The following LY6S variants were observed in gnomAD, a reference collection of about 807,000 sequenced individuals.
LY6S encodes lymphocyte antigen 6S.
At chr8:143,070,491 T>TAATATATATATAAATATATATATATATA in the LY6S span, among the ~76,000 whole-genome samples, 1 of 83,546 alleles carries the variant, frequency 1.2e-5, no homozygotes, top group East Asian at 3.7e-4. Flanking sequence ...ATATATATAT[T>TAATATATATATAAATATATATATATATA]TTTTTTTTTT....
the LY6S span, among the ~76,000 whole-genome samples, chr8:143,072,154 C>G: frequency 0.16 from 23,002 of 141,444 alleles, 2,762 homozygotes; most frequent in African/African-American, 0.31. Context: ...TGATTTCTTA[C>G]CAGTGTCTGC....
At chr8:143,070,424 A>G in the LY6S span, among the ~76,000 whole-genome samples, 43 of 102,416 alleles carry the variant, frequency 4.2e-4, no homozygotes, top group Non-Finnish European at 6.1e-4. Flanking sequence ...ATATATATTT[A>G]TATATATATT....
the LY6S span, among the ~76,000 whole-genome samples, chr8:143,040,859 C>A: frequency 1.3e-5 from 2 of 152,124 alleles, no homozygotes; most frequent in East Asian, 3.8e-4. Context: ...AGCTGGGCGT[C>A]CGGGGGAGAC....
At chr8:143,068,106 G>T in the LY6S span, among the ~76,000 whole-genome samples, 2 of 152,184 alleles carry the variant, frequency 1.3e-5, no homozygotes, top group Non-Finnish European at 1.5e-5. Flanking sequence ...TGTCTCAGTG[G>T]GGGGAAACCT....
the LY6S span, among the ~76,000 whole-genome samples, chr8:143,072,136 T>C: frequency 4.7e-5 from 7 of 150,392 alleles, no homozygotes; most frequent in Non-Finnish European, 1.0e-4. Flanking sequence ...GAATCCAAGT[T>C]GGTAATTTGA....
the LY6S span, among the ~76,000 whole-genome samples, chr8:143,063,768 G>A: frequency 6.6e-6 from 1 of 152,200 alleles, no homozygotes; most frequent in African/African-American, 2.4e-5. Flanking sequence ...TCATCTGGGA[G>A]TGTGGCCTGG....
At chr8:143,074,343 T>G in the LY6S span, among the ~76,000 whole-genome samples, 1 of 152,114 alleles carries the variant, frequency 6.6e-6, no homozygotes, top group Non-Finnish European at 1.5e-5. Flanking sequence ...TATGTGGGTG[T>G]GTGTGTTTGT....
chr8:143,046,913 A>G, the LY6S span, among the ~76,000 whole-genome samples: 1 of 152,060 alleles, frequency 6.6e-6, no homozygotes, highest in Non-Finnish European at 1.5e-5. Flanking sequence ...AGGCAGGAGA[A>G]TCACTTTAAC....
the LY6S span, among the ~76,000 whole-genome samples, chr8:143,072,334 G>C: frequency 1.0e-4 from 13 of 130,608 alleles, no homozygotes; most frequent in East Asian, 2.8e-4. Flanking sequence ...AGAGAAGACA[G>C]CCGTCGTCCT....
chr8:143,045,438 C>T, the LY6S span, among the ~76,000 whole-genome samples: 2 of 152,186 alleles, frequency 1.3e-5, no homozygotes, highest in Admixed American at 1.3e-4. This position sits in a 1 kb window ranked among gnomAD's most constrained non-coding sequence, Gnocchi z 5.3. Flanking sequence ...GAGTCCTGCA[C>T]AGCAGCAAAG....
At chr8:143,071,952 A>G in the LY6S span, among the ~76,000 whole-genome samples, 2 of 152,212 alleles carry the variant, frequency 1.3e-5, no homozygotes, top group Admixed American at 6.5e-5. Flanking sequence ...TCCACCCCAA[A>G]GTCAACACAC....
chr8:143,043,742 C>T, the LY6S span, among the ~76,000 whole-genome samples: 1 of 151,980 alleles, frequency 6.6e-6, no homozygotes. Context: ...ATGGGGCGAT[C>T]TCTGCTCACC....
chr8:143,064,450 C>T, the LY6S span, among the ~76,000 whole-genome samples: 1 of 152,208 alleles, frequency 6.6e-6, no homozygotes, highest in East Asian at 1.9e-4. Flanking sequence ...CTGATAGCCC[C>T]ATTCAGAGGG....
At chr8:143,047,108 C>T in the LY6S span, among the ~76,000 whole-genome samples, 12 of 151,624 alleles carry the variant, frequency 7.9e-5, no homozygotes, top group East Asian at 2.3e-3. Context: ...GTAAAACTAA[C>T]GAAAGACCAC....
At chr8:143,052,807 A>G in the LY6S span, among the ~76,000 whole-genome samples, 1 of 152,212 alleles carries the variant, frequency 6.6e-6, no homozygotes, top group African/African-American at 2.4e-5. Flanking sequence ...GGGTCTTGGT[A>G]TACTCTGTCA....
chr8:143,070,446 G>GTGTATA, the LY6S span, among the ~76,000 whole-genome samples: 1 of 69,536 alleles, frequency 1.4e-5, no homozygotes, highest in Non-Finnish European at 2.2e-5. Context: ...TATATATATT[G>GTGTATA]TATATATATA....
At chr8:143,063,814 T>G in the LY6S span, among the ~76,000 whole-genome samples, 1 of 152,186 alleles carries the variant, frequency 6.6e-6, no homozygotes, top group Non-Finnish European at 1.5e-5. Flanking sequence ...GCCAGTAGCC[T>G]CCCTTCTGTT....
the LY6S span, among the ~76,000 whole-genome samples, chr8:143,075,171 A>T: frequency 6.6e-6 from 1 of 151,930 alleles, no homozygotes; most frequent in African/African-American, 2.4e-5. This position sits in a 1 kb window ranked among gnomAD's most constrained non-coding sequence, Gnocchi z 4.1. Context: ...ATATTTGTCT[A>T]ATTTTTGTTC....
chr8:143,071,836 A>G, the LY6S span, among the ~76,000 whole-genome samples: 1 of 152,094 alleles, frequency 6.6e-6, no homozygotes, highest in Non-Finnish European at 1.5e-5. Flanking sequence ...GATCTACGGG[A>G]GTTTCCCTTA....
Sources: gnomAD v4.1 joint callset for allele counts (sites outside exome capture counted in the v4.1 genomes callset) on GRCh38, gnomAD v4.1.1 for gene constraint, Gnocchi (gnomAD v3.1) non-coding constraint, MANE v1.5 for transcripts, NCBI Gene and HGNC (gene_info 2026-07-23, HGNC 2026-07-21) for gene names.